SRRM2: variants seen among roughly 807,000 people sequenced by gnomAD.
SRRM2 encodes serine/arginine repetitive matrix 2.
SRRM2 carries 30 observed loss-of-function variants against 213.8 expected under a neutral mutation model. That is an observed-to-expected ratio of 0.14 (90% CI 0.10 to 0.19). The LOEUF is 0.19. Among genes scored for constraint, SRRM2 ranks in the 10% least tolerant of loss-of-function variants. The pLI, the probability that SRRM2 is intolerant of heterozygous loss-of-function variation, is 1.00. For synonymous variants in SRRM2, 2,025 were observed against 1,377.7 expected, an observed-to-expected ratio of 1.47 and a Z score of -10.40; for missense variants, 4,904 against 3,647.0, an observed-to-expected ratio of 1.34 and a Z score of -8.88.
chr16:2,768,808 G>C lies in SRRM2; in HGVS notation c.7734-189G>C, dbSNP rs956310245. On this transcript the variant is annotated intron_variant, in intron 11 of 14. Coordinates refer to ENST00000301740, the MANE Select transcript of SRRM2 (RefSeq NM_016333.4). ...CTTATGCTGCGGGCCCCAGCCTGTT[G>C]CTTCTGTTAGCAGAGGTTGGGTCAG... 4.7e-5 allele frequency: 54 copies of C among 1,153,466 alleles called. No homozygotes were observed. In the Middle Eastern group the frequency reaches 7.6e-4, roughly 16 times the overall value. 71.5% of individuals were successfully genotyped at this position (1,153,466 alleles called of 1,614,324 possible). A position where few individuals can be genotyped will look rare whatever the true frequency, so the allele number is the denominator to read the frequency against.
chr16:2,769,316 GGT>G, intron 12 of SRRM2, 32 bp downstream of exon 12: 1 of 1,530,904 alleles, frequency 6.5e-7, no homozygotes, highest in Non-Finnish European at 8.8e-7. Context: ...TTGAAAGGTG[GGT>G]GGGGGAGTGA....
rs752434045 is a variant in SRRM2, at chr16:2,764,793, C to T, written c.4265C>T (p.Ala1422Val). Residue 1422 changes from alanine to valine, a missense_variant, in exon 11 of 15, where the codon GCA (alanine) becomes GTA (valine). Coordinates refer to ENST00000301740, the MANE Select transcript of SRRM2 (RefSeq NM_016333.4). ...CCCTCGAGAGAAAGAAGTAGTTCTGCATCTTCTCCTGAAATGAAAGATGGT... is the reference window on the plus strand; with the variant it reads ...CCCTCGAGAGAAAGAAGTAGTTCTGTATCTTCTCCTGAAATGAAAGATGGT... Reference protein sequence around the residue: ...RTPSRERSSSASSPEMKDGLP... With the variant: ...RTPSRERSSSVSSPEMKDGLP... The T allele has an allele frequency of 1.4e-5, 22 of 1,614,174 alleles. No homozygotes were observed. The highest frequency in any genetic ancestry group is 1.6e-4 in the Middle Eastern group (1 of 6,062).
intron 12 of SRRM2, 192 bp from the exon 13 acceptor site, chr16:2,770,160 A>C: frequency 7.0e-7 from 1 of 1,438,622 alleles, no homozygotes; most frequent in Non-Finnish European, 9.1e-7. Flanking sequence ...CCCCCGCTGC[A>C]CCCTGTGCCT....
intron 1 of SRRM2, among the ~76,000 whole-genome samples, chr16:2,753,090 G>C (rs921135392): frequency 2.6e-5 from 4 of 151,012 alleles, no homozygotes; most frequent in African/African-American, 9.7e-5. Flanking sequence ...CTGTACTCGG[G>C]TTCGCGAGCG....
chr16:2,760,337 C>T lies in SRRM2; in HGVS notation c.870C>T (p.Ala290=). The T allele has an allele frequency of 6.2e-7, 1 of 1,614,032 alleles. No individual in the cohort carries two copies. Among genetic ancestry groups the T allele is most frequent in the Non-Finnish European group, 8.5e-7 (1 of 1,180,024 alleles). Residue 290 remains alanine, a synonymous_variant, in exon 10 of 15, where the codon GCC becomes GCT. Transcript: ENST00000301740. ...CTGCAGCTAAAACTCATACAACTGC[C>T]TTGGCTGGGCGAAGTCCTTCCCCTG... is the stretch of plus-strand genomic sequence containing the variant. The part of the protein sequence containing the change: ...RSAAAKTHTT[A]LAGRSPSPAS...
chr16:2,764,766 C>G lies in SRRM2; in HGVS notation c.4238C>G (p.Thr1413Arg). 6.2e-7 allele frequency: 1 copy of G among 1,614,204 alleles called. No individual in the cohort carries two copies. Among genetic ancestry groups the G allele is most frequent in the South Asian group, 1.1e-5 (1 of 91,086 alleles). Reference sequence around the variant, plus strand: ...CCTGTGCTTGATGCTGTACCCAGAACACCCTCGAGAGAAAGAAGTAGTTCT... The same window carrying G: ...CCTGTGCTTGATGCTGTACCCAGAAGACCCTCGAGAGAAAGAAGTAGTTCT... ...SSPVLDAVPR[T>R]PSRERSSSAS... Residue 1413 changes from threonine (T) to arginine (R), a missense_variant, in exon 11 of 15, where the codon ACA becomes AGA. Coordinates refer to ENST00000301740, the MANE Select transcript of SRRM2 (RefSeq NM_016333.4).
rs1419934271 is a variant in SRRM2, at chr16:2,766,550, T to G, written c.6022T>G (p.Ser2008Ala). 2 of 1,613,088 alleles carry G rather than the reference T, an allele frequency of 1.2e-6. No homozygotes were observed. The highest frequency in any genetic ancestry group is 1.7e-6 in the Non-Finnish European group (2 of 1,179,782). Residue 2008 changes from serine (S) to alanine (A), a missense_variant, in exon 11 of 15, where the codon TCT (serine) becomes GCT (alanine). By Grantham distance (99) the Ser-to-Ala change is moderately conservative (BLOSUM62 1). Coordinates refer to ENST00000301740, the MANE Select transcript of SRRM2 (RefSeq NM_016333.4). The surrounding 1 kb of genome is among the most constrained non-coding windows in gnomAD (Gnocchi z 7.0). ...TSPVTRRRSRSRTSPVTRRRS... is the reference protein window; with the variant it reads ...TSPVTRRRSRARTSPVTRRRS... Reference sequence around the variant, plus strand: ...TCCAGTAACTCGAAGAAGGTCCCGCTCTCGAACCTCACCAGTGACACGCCG... The same window carrying G: ...TCCAGTAACTCGAAGAAGGTCCCGCGCTCGAACCTCACCAGTGACACGCCG...
At chr16:2,753,782 C>T (rs950559607) in intron 1 of SRRM2, 1 of 152,190 alleles carries the variant, frequency 6.6e-6, no homozygotes, top group African/African-American at 2.4e-5. Flanking sequence ...TAGGGCTCTT[C>T]TAAAGCTACT....
In SRRM2 at chr16:2,762,524, CGTG is replaced by C. The variant is rs768928096; in HGVS notation, c.1998_2000del (p.Gly667del). The stretch of plus-strand genomic sequence containing the variant: ...CTCACGCTCCAGAACCCCAGCCAGA[CGTG>C]GCCGCTCACGCTCTAGAACCCCAGC... On this transcript the variant is annotated inframe_deletion, in exon 11 of 15. Coordinates refer to ENST00000301740, the MANE Select transcript of SRRM2 (RefSeq NM_016333.4). The C allele has an allele frequency of 3.1e-6, 5 of 1,613,840 alleles. No individual in the cohort carries two copies. In the East Asian group the frequency reaches 6.7e-5, roughly 22 times the overall value.
In SRRM2 at chr16:2,756,325, C is replaced by T. The variant is rs571807413; in HGVS notation, c.-31-9C>T. 5 of 1,551,502 alleles carry T rather than the reference C, an allele frequency of 3.2e-6. No individual in the cohort carries two copies. Among genetic ancestry groups the T allele is most frequent in the Admixed American group, 1.9e-5 (1 of 51,984 alleles). On this transcript the variant is annotated splice_polypyrimidine_tract_variant and intron_variant, in intron 1 of 14. Transcript: ENST00000301740. Reference sequence around the variant, plus strand: ...GGGGCCTGACCCGTGTCTCCCCGCTCCCCCTCAGGAGCGGTGGTGCCCCCC... The same window carrying T: ...GGGGCCTGACCCGTGTCTCCCCGCTTCCCCTCAGGAGCGGTGGTGCCCCCC...
chr16:2,760,785 T>C lies in SRRM2; in HGVS notation c.1032+286T>C, dbSNP rs2150774426. ...CAAACGTTGTATCTTATCTGTGTACTCCGTATGATGCCTCTAGTTTCTTCT... is the reference window on the plus strand; with the variant it reads ...CAAACGTTGTATCTTATCTGTGTACCCCGTATGATGCCTCTAGTTTCTTCT... On this transcript the variant is annotated intron_variant, in intron 10 of 14. Coordinates refer to ENST00000301740, the MANE Select transcript of SRRM2 (RefSeq NM_016333.4). The C allele has an allele frequency of 1.1e-5, 4 of 358,860 alleles. No homozygotes were observed. The South Asian group carries it at 1.3e-4, about 12-fold the overall frequency. The allele number at this position is 358,860 out of a possible 1,614,324, so 22.2% of individuals were successfully genotyped here.
chr16:2,768,423 C>T (rs1280371113), intron 11 of SRRM2, 162 bp downstream of exon 11: 22 of 756,058 alleles, frequency 2.9e-5, no homozygotes, highest in South Asian at 1.1e-4. Context: ...GGGCAGGGGG[C>T]GGAGGGAGGA....
In SRRM2 at chr16:2,767,952, T is replaced by A; in HGVS notation, c.7424T>A (p.Leu2475His). 1 of 1,614,178 alleles carries A rather than the reference T, an allele frequency of 6.2e-7. No homozygotes were observed. The highest frequency in any genetic ancestry group is 8.5e-7 in the Non-Finnish European group (1 of 1,180,034). Residue 2475 changes from leucine (L) to histidine (H), a missense_variant, in exon 11 of 15, where the codon CTT becomes CAT. Coordinates refer to ENST00000301740, the MANE Select transcript of SRRM2 (RefSeq NM_016333.4). ...QTTPVAGSQS[L>H]SSGAVATTTS... ...ACCCCTGTAGCAGGGTCTCAGTCCCTTTCCTCTGGGGCAGTGGCAACGACC... is the reference window on the plus strand; with the variant it reads ...ACCCCTGTAGCAGGGTCTCAGTCCCATTCCTCTGGGGCAGTGGCAACGACC...
At position 2,766,056 on chromosome 16, in the gene SRRM2, G is replaced by A. The variant is rs149546164; in HGVS notation, c.5528G>A (p.Arg1843Gln). The A allele has an allele frequency of 1.1e-4, 178 of 1,614,088 alleles. 3 individuals carry two copies. The South Asian group carries it at 1.4e-3, about 13-fold the overall frequency. The stretch of plus-strand genomic sequence containing the variant: ...TCTCGACGCCGAAGAGGCCGCTCTC[G>A]GACACCCCCAACCAGTCGGAAGCGT... The part of the protein sequence containing the change: ...TSSRRRRGRS[R>Q]TPPTSRKRSR... The change falls in exon 11 of 15, where the codon CGG becomes CAG. Residue 1843 changes from arginine (R) to glutamine (Q), a missense_variant. Transcript: ENST00000301740. This position sits in a 1 kb window ranked among gnomAD's most constrained non-coding sequence, Gnocchi z 7.0.
rs760909959 is a variant in SRRM2, at chr16:2,770,893, C to G, written c.*26C>G. 8 of 1,613,458 alleles carry G rather than the reference C, an allele frequency of 5.0e-6. No individual in the cohort carries two copies. Among genetic ancestry groups the G allele is most frequent in the Admixed American group, 3.3e-5 (2 of 59,988 alleles). On this transcript the variant is annotated 3_prime_UTR_variant, in exon 15 of 15. Coordinates refer to ENST00000301740, the MANE Select transcript of SRRM2 (RefSeq NM_016333.4). ...ATTGTCTTTGGGGGATTCCACCACA[C>G]CCAATGCTCTGGAGCCACAAGGAGT...
Position 2,762,210 on chromosome 16 carries a change from G to C in SRRM2, c.1682G>C (p.Arg561Thr). The C allele has an allele frequency of 6.2e-7, 1 of 1,614,098 alleles. No homozygotes were observed. The highest frequency in any genetic ancestry group is 1.1e-5 in the South Asian group (1 of 91,082). ...RGRSRSARRG[R>T]SHSRSPATRG... is the part of the protein sequence containing the mutation. ...AGGTCTAGGTCAGCAAGGCGAGGGA[G>C]GTCCCACTCTAGATCCCCAGCCACT... Residue 561 changes from arginine (R) to threonine (T), a missense_variant, in exon 11 of 15, where the codon AGG becomes ACG. Coordinates refer to ENST00000301740, the MANE Select transcript of SRRM2 (RefSeq NM_016333.4).
intron 9 of SRRM2, 112 bp from the exon 10 acceptor site, chr16:2,760,189 T>C: frequency 9.4e-7 from 1 of 1,061,688 alleles, no homozygotes. Context: ...AAAGGCTTTT[T>C]GGAAGAGGGT....
intron 11 of SRRM2, 102 bp downstream of exon 11, chr16:2,768,363 A>AG: frequency 7.4e-7 from 1 of 1,353,380 alleles, no homozygotes; most frequent in Non-Finnish European, 9.9e-7. Context: ...TGGCTCTTGG[A>AG]GGAGGTATGG....
intron 1 of SRRM2, among the ~76,000 whole-genome samples, chr16:2,755,792 T>C (rs899176360): frequency 2.0e-5 from 3 of 152,204 alleles, no homozygotes; most frequent in Non-Finnish European, 4.4e-5. Context: ...GTTTATTTCA[T>C]ATTCGTATAG....
Sources: allele counts gnomAD v4.1 joint callset (sites outside exome capture counted in the v4.1 genomes callset), GRCh38; gene constraint gnomAD v4.1.1; non-coding constraint Gnocchi (gnomAD v3.1); transcripts MANE v1.5; gene names NCBI Gene and HGNC (gene_info 2026-07-23, HGNC 2026-07-21).